NUP133: variants seen among roughly 807,000 people sequenced by gnomAD.
NUP133 encodes the protein nuclear pore complex protein Nup133.
A neutral mutation model predicts 146.2 loss-of-function variants in NUP133; 66 were observed. The observed-to-expected ratio is 0.45, with a 90% CI of 0.37 to 0.55. The LOEUF (loss-of-function observed/expected upper bound fraction) is 0.55, where lower values mean the gene tolerates loss of function less well. NUP133 is among the 20% of genes least tolerant of loss of function. The pLI, the probability that NUP133 is intolerant of heterozygous loss-of-function variation, is 0.00. For synonymous variants in NUP133, 521 were observed against 498.8 expected (o/e 1.04, Z -0.59); for missense variants, 1,277 against 1,374.8 (o/e 0.93, Z 1.12).
At chr1:229,457,566 T>C (rs891010589) in intron 21 of NUP133, among the ~76,000 whole-genome samples, 1 of 152,208 alleles carries the variant, frequency 6.6e-6, no homozygotes, top group Non-Finnish European at 1.5e-5. Context: ...TGTTATACTG[T>C]ATTGGTTTTT....
At chr1:229,497,212 G>A (rs1661676203) in intron 6 of NUP133, among the ~76,000 whole-genome samples, 1 of 152,172 alleles carries the variant, frequency 6.6e-6, no homozygotes, top group Non-Finnish European at 1.5e-5. Flanking sequence ...ATGGAAATGA[G>A]ATTGGATAGA....
intron 3 of NUP133, 41 bp downstream of exon 3, chr1:229,501,958 C>T: frequency 7.1e-7 from 1 of 1,411,262 alleles, no homozygotes; most frequent in Non-Finnish European, 1.0e-6. Context: ...AATTGGCATT[C>T]CTCTCCTCTA....
intron 22 of NUP133, 139 bp from the exon 23 acceptor site, chr1:229,450,744 G>A: frequency 2.4e-6 from 1 of 416,982 alleles, no homozygotes; most frequent in Non-Finnish European, 4.3e-6. Context: ...TGTTTTTTTT[G>A]AGACAAAGTC....
At chr1:229,507,977 GT>G in intron 1 of NUP133, 90 bp downstream of exon 1, 1 of 1,322,926 alleles carries the variant, frequency 7.6e-7, no homozygotes, top group Admixed American at 3.6e-5. Flanking sequence ...CGCCGCCCCG[GT>G]TCCAAAGGCT....
chr1:229,506,261 T>C, intron 1 of NUP133, 103 bp from the exon 2 acceptor site: 1 of 590,766 alleles, frequency 1.7e-6, no homozygotes, highest in Non-Finnish European at 3.0e-6. Context: ...TTGAAAAAAA[T>C]TAACACTGGC....
chr1:229,452,316 G>A (rs1441514724), intron 22 of NUP133, among the ~76,000 whole-genome samples: 1 of 152,146 alleles, frequency 6.6e-6, no homozygotes, highest in Non-Finnish European at 1.5e-5. Flanking sequence ...CCTTTAGGTG[G>A]AGGTGTATGG....
intron 17 of NUP133, 99 bp downstream of exon 17, chr1:229,465,321 T>C: frequency 2.2e-6 from 2 of 927,594 alleles, no homozygotes; most frequent in Non-Finnish European, 3.4e-6. Context: ...ACTTTTTCAT[T>C]TCACTTACAA....
At chr1:229,450,892 AT>A (rs957826842) in intron 22 of NUP133, 1 of 160,356 alleles carries the variant, frequency 6.2e-6, no homozygotes, top group African/African-American at 2.5e-5. Context: ...CACCTGGCTA[AT>A]TTTTGTATTT....
intron 22 of NUP133, among the ~76,000 whole-genome samples, chr1:229,452,000 G>A (rs775766128): frequency 6.6e-6 from 1 of 152,082 alleles, no homozygotes; most frequent in Non-Finnish European, 1.5e-5. Context: ...TATTTTAATT[G>A]TTTGCCTTTT....
At chr1:229,466,304 C>T (rs973790666) in intron 16 of NUP133, among the ~76,000 whole-genome samples, 10 of 151,244 alleles carry the variant, frequency 6.6e-5, no homozygotes, top group African/African-American at 2.4e-4. Flanking sequence ...CACTGCACTC[C>T]AGCTTGGGTG....
In NUP133 at chr1:229,466,521, T is replaced by C. The variant is rs187417301; in HGVS notation, c.2199+113A>G. 73 of 1,098,362 alleles carry C rather than the reference T, an allele frequency of 6.6e-5. No individual in the cohort carries two copies. In the African/African-American group the frequency reaches 9.0e-4, roughly 14 times the overall value. The allele number at this position is 1,098,362 out of a possible 1,614,324, so 68.0% of individuals were successfully genotyped here. On this transcript the variant is annotated intron_variant, in intron 16 of 25. Transcript: ENST00000261396. ...TTCTAACTTTTTTGGGATTAACAAA[T>C]GTCTACAACCTTATACATTATCGGC...
At chr1:229,476,822 G>A (rs1262205299) in intron 13 of NUP133, among the ~76,000 whole-genome samples, 4 of 151,828 alleles carry the variant, frequency 2.6e-5, no homozygotes, top group Admixed American at 6.6e-5. Flanking sequence ...TACTCAGGAG[G>A]CTGAGGTGGG....
intron 11 of NUP133, 46 bp from the exon 12 acceptor site, chr1:229,484,191 T>C (rs1661288911): frequency 2.2e-6 from 3 of 1,377,864 alleles, no homozygotes; most frequent in South Asian, 2.4e-5. Context: ...CATCTGAATA[T>C]TCTTAATTAT....
intron 21 of NUP133, among the ~76,000 whole-genome samples, chr1:229,454,969 T>C (rs2102751231): frequency 6.6e-6 from 1 of 152,338 alleles, no homozygotes; most frequent in South Asian, 2.1e-4. Context: ...AAGCCATTTT[T>C]CCCAAGACAG....
intron 8 of NUP133, among the ~76,000 whole-genome samples, 188 bp downstream of exon 8, chr1:229,495,307 C>G (rs559940063): frequency 2.0e-4 from 30 of 152,326 alleles, no homozygotes; most frequent in African/African-American, 7.2e-4. Context: ...AGAAGGATCA[C>G]TTCAGCCCAG....
At chr1:229,456,774 C>T (rs1470351839) in intron 21 of NUP133, among the ~76,000 whole-genome samples, 1 of 147,588 alleles carries the variant, frequency 6.8e-6, no homozygotes, top group African/African-American at 2.6e-5. Flanking sequence ...TTTATATATA[C>T]ACACACACAT....
intron 5 of NUP133, 88 bp from the exon 6 acceptor site, chr1:229,498,394 G>GT: frequency 3.5e-6 from 3 of 851,108 alleles, no homozygotes; most frequent in Non-Finnish European, 5.3e-6. Context: ...AAAAATCATC[G>GT]TAATTGAAAT....
intron 15 of NUP133, among the ~76,000 whole-genome samples, chr1:229,469,244 A>G (rs1171355191): frequency 1.3e-5 from 2 of 152,244 alleles, no homozygotes; most frequent in African/African-American, 4.8e-5. Context: ...TCTAAGTTCT[A>G]ATGTCACACC....
chr1:229,448,740 T>C (rs1391849598), intron 24 of NUP133: 1 of 216,372 alleles, frequency 4.6e-6, no homozygotes, highest in African/African-American at 2.4e-5. Flanking sequence ...AACAACACCC[T>C]TTATAATAAA....
Sources: allele counts gnomAD v4.1 joint callset (sites outside exome capture counted in the v4.1 genomes callset), GRCh38; gene constraint gnomAD v4.1.1; transcripts MANE v1.5; gene names NCBI Gene and HGNC (gene_info 2026-07-23, HGNC 2026-07-21).